Variants in ZKSCAN7 observed in about 807,000 individuals in gnomAD.
The protein encoded by ZKSCAN7 is zinc finger protein with KRAB and SCAN domains 7.
A neutral mutation model predicts 65.3 loss-of-function variants in ZKSCAN7; 38 were observed. The observed-to-expected ratio is 0.58, with a 90% CI of 0.45 to 0.76. The LOEUF (loss-of-function observed/expected upper bound fraction) is 0.76. ZKSCAN7 is among the 30% of genes least tolerant of loss of function. The pLI is 0.00. For missense variants in ZKSCAN7, 815 were observed against 913.3 expected, an observed-to-expected ratio of 0.89 and a Z score of 1.39; for synonymous variants, 321 against 321.0, an observed-to-expected ratio of 1.00 and a Z score of 0.00.
chr3:44,578,834 G>A lies in ZKSCAN7; in HGVS notation c.812-4138G>A, dbSNP rs536890801. 1.2e-4 allele frequency among the ~76,000 whole-genome samples: 19 copies of A among 152,310 alleles called. No individual in the cohort carries two copies. In the South Asian group the frequency reaches 3.5e-3, roughly 28 times the overall value. On this transcript the variant is annotated intron_variant, in intron 5 of 5. Coordinates refer to the ZKSCAN7 transcript ENST00000341840. ...GAGATCTTCAATCTTCTTCTGGTGCGTTTCTTCCATTGCTGCAAACCCTCA... is the reference window on the plus strand; with the variant it reads ...GAGATCTTCAATCTTCTTCTGGTGCATTTCTTCCATTGCTGCAAACCCTCA...
chr3:44,575,103 G>A (rs1699896431), downstream of ZKSCAN7, among the ~76,000 whole-genome samples: 1 of 152,082 alleles, frequency 6.6e-6, no homozygotes, highest in Non-Finnish European at 1.5e-5. Context: ...GACCAGCCTG[G>A]GCAACACGTC....
At chr3:44,559,883 G>A (rs1699414744) in intron 2 of ZKSCAN7, among the ~76,000 whole-genome samples, 2 of 152,202 alleles carry the variant, frequency 1.3e-5, no homozygotes, top group South Asian at 4.1e-4. Flanking sequence ...GCACATATGA[G>A]TAAATCAACC....
At chr3:44,581,753 C>T (rs1700091515) in intron 5 of ZKSCAN7, among the ~76,000 whole-genome samples, 1 of 152,210 alleles carries the variant, frequency 6.6e-6, no homozygotes, top group African/African-American at 2.4e-5. Context: ...TACTTACTCA[C>T]TTACCTCTTA....
At position 44,570,787 on chromosome 3, in the gene ZKSCAN7, C is replaced by T. The variant is rs766396706; in HGVS notation, c.1677C>T (p.Ala559=). Residue 559 remains alanine (A), a synonymous_variant, in exon 6 of 6, where the codon GCC becomes GCT. Transcript: ENST00000426540. The part of the protein sequence containing the change: ...KPYECSECGK[A]FSRSKCLIRH... ...ATGAGTGTAGTGAATGTGGCAAAGC[C>T]TTCAGTCGGAGTAAATGTCTTATTC... is the stretch of plus-strand genomic sequence containing the variant. 1 of 1,614,152 alleles carries T rather than the reference C, an allele frequency of 6.2e-7. No homozygotes were observed. The highest frequency in any genetic ancestry group is 8.5e-7 in the Non-Finnish European group (1 of 1,180,028).
intron 1 of ZKSCAN7, among the ~76,000 whole-genome samples, chr3:44,555,770 T>A (rs541365387): frequency 6.6e-6 from 1 of 152,346 alleles, no homozygotes; most frequent in Admixed American, 6.5e-5. Flanking sequence ...TTAAAGAGAT[T>A]GAGACACAGG....
At chr3:44,574,617 G>A (rs1009240178), downstream of ZKSCAN7, among the ~76,000 whole-genome samples, 1 of 152,174 alleles carries the variant, frequency 6.6e-6, no homozygotes, top group Non-Finnish European at 1.5e-5. Context: ...AGAGGAAGCA[G>A]GGTAATATAG....
At chr3:44,581,018 T>A in intron 5 of ZKSCAN7, 1 of 1,596,686 alleles carries the variant, frequency 6.3e-7, no homozygotes, top group Non-Finnish European at 8.5e-7. Context: ...TCTCCTTGGC[T>A]GCCGACATGG....
At position 44,568,316 on chromosome 3, in the gene ZKSCAN7, G is replaced by A. The variant is rs375832351; in HGVS notation, c.694G>A (p.Ala232Thr). The A allele has an allele frequency of 1.7e-4, 282 of 1,612,844 alleles. No individual in the cohort carries two copies. The highest frequency in any genetic ancestry group is 2.3e-4 in the Non-Finnish European group (270 of 1,179,538). Residue 232 changes from alanine (A) to threonine (T), a missense_variant, in exon 5 of 6, where the codon GCA becomes ACA. Ala to Thr is a moderately conservative substitution (Grantham distance 58). This residue lies in a region of ZKSCAN7 where 578 missense variants were observed against 629.5 expected (regional missense o/e 0.92). Transcript: ENST00000426540. ...LRMVRPQDTVAYEDLSVDYTQ... is the reference protein window; with the variant it reads ...LRMVRPQDTVTYEDLSVDYTQ... ...GAGCTTGTCATTCCAGGATACTGTG[G>A]CATATGAGGACCTATCTGTAGACTA...
rs187972125 is a variant in ZKSCAN7 at position 44,571,691 on chromosome 3, G to T, written c.*316G>T. 5.6e-5 allele frequency: 66 copies of T among 1,176,424 alleles called. No individual in the cohort carries two copies. Among genetic ancestry groups the T allele is most frequent in the Admixed American group, 3.1e-4 (7 of 22,826 alleles). 72.9% of individuals were successfully genotyped at this position (1,176,424 alleles called of 1,614,324 possible). On this transcript the variant is annotated 3_prime_UTR_variant, in exon 6 of 6. Coordinates refer to ENST00000426540, the MANE Select transcript of ZKSCAN7 (RefSeq NM_001288590.2). ...AGACTCCATGCTTTTTAAAGACAGA[G>T]ATAATATCTTCTCTATTCTATTCTA...
At chr3:44,568,253 ACT>A (rs1317913111) in intron 4 of ZKSCAN7, 52 bp from the exon 5 acceptor site, 2 of 1,592,268 alleles carry the variant, frequency 1.3e-6, no homozygotes, top group African/African-American at 2.7e-5. Context: ...ACCCCTGATG[ACT>A]CTGCCCTTCA....
chr3:44,577,211 TC>T (rs1699939026), intron 5 of ZKSCAN7, among the ~76,000 whole-genome samples: 2 of 152,096 alleles, frequency 1.3e-5, no homozygotes, highest in East Asian at 3.9e-4. Context: ...CAAGCAACCC[TC>T]CTGCTTTGGC....
intron 3 of ZKSCAN7, among the ~76,000 whole-genome samples, chr3:44,565,919 G>C (rs1038359520): frequency 2.6e-5 from 4 of 152,210 alleles, no homozygotes; most frequent in Non-Finnish European, 5.9e-5. Context: ...TGATTTCAAA[G>C]AGCTTGTTAT....
chr3:44,579,848 T>G, intron 5 of ZKSCAN7: 1 of 1,610,988 alleles, frequency 6.2e-7, no homozygotes, highest in Non-Finnish European at 8.5e-7. Context: ...CTCATACTGC[T>G]TAGTCAGCCA....
chr3:44,566,757 T>A (rs1170048590), intron 3 of ZKSCAN7, among the ~76,000 whole-genome samples: 1 of 151,742 alleles, frequency 6.6e-6, no homozygotes, highest in Non-Finnish European at 1.5e-5. Context: ...CCTCCCACCA[T>A]GGCCTCTTAG....
intron 2 of ZKSCAN7, among the ~76,000 whole-genome samples, 162 bp from the exon 3 acceptor site, chr3:44,565,325 A>G (rs1004821681): frequency 3.3e-5 from 5 of 151,852 alleles, no homozygotes; most frequent in South Asian, 2.1e-4. Context: ...TTCTGCTTTC[A>G]CAGTTTTTTT....
intron 5 of ZKSCAN7, 93 bp from the exon 6 acceptor site, chr3:44,569,829 T>G: frequency 6.9e-7 from 1 of 1,441,556 alleles, no homozygotes; most frequent in Non-Finnish European, 9.1e-7. Flanking sequence ...AACCATAATG[T>G]GACTTTTTTT....
intron 5 of ZKSCAN7, among the ~76,000 whole-genome samples, chr3:44,581,540 T>G (rs1483602817): frequency 6.6e-6 from 1 of 152,234 alleles, no homozygotes; most frequent in Non-Finnish European, 1.5e-5. Context: ...TTTGCACATA[T>G]TTCTGAAAAA....
intron 5 of ZKSCAN7, chr3:44,579,882 C>T (rs533249644): frequency 1.4e-5 from 22 of 1,606,138 alleles, no homozygotes; most frequent in Middle Eastern, 3.3e-4. Flanking sequence ...TTCAGCAGGT[C>T]GGGCGTCACG....
chr3:44,564,827 G>A (rs1575364697), intron 2 of ZKSCAN7, among the ~76,000 whole-genome samples: 1 of 151,802 alleles, frequency 6.6e-6, no homozygotes, highest in Admixed American at 6.6e-5. Flanking sequence ...TTGAGACGGA[G>A]TCTCGCTCTG....
Sources: allele counts gnomAD v4.1 joint callset (sites outside exome capture counted in the v4.1 genomes callset), GRCh38; gene constraint gnomAD v4.1.1; regional missense constraint gnomAD v4.1.1; transcripts MANE v1.5; gene names NCBI Gene and HGNC (gene_info 2026-07-23, HGNC 2026-07-21).